The following POTEE variants were observed in gnomAD, a reference collection of about 807,000 sequenced individuals.
The protein encoded by POTEE is ANKRD26-like family C member 1A.
A neutral mutation model predicts 74.2 loss-of-function variants in POTEE; 21 were observed. The ratio of observed to expected loss-of-function variants is 0.28; its 90% CI spans 0.20 to 0.41. The LOEUF (loss-of-function observed/expected upper bound fraction) is 0.41. POTEE is among the 10% of genes least tolerant of loss of function. POTEE has a pLI of 1.00. For synonymous variants in POTEE, 211 were observed against 432.8 expected (o/e 0.49, Z 6.36); for missense variants, 525 against 1,158.6 (o/e 0.45, Z 7.94).
intron 2 of POTEE, among the ~76,000 whole-genome samples, chr2:131,212,332 C>A (rs936731485): frequency 2.0e-5 from 3 of 151,216 alleles, no homozygotes; most frequent in African/African-American, 7.3e-5. Flanking sequence ...ATTTTTCACT[C>A]GTGCAAAAAT....
intron 6 of POTEE, 80 bp from the exon 7 acceptor site, chr2:131,226,743 C>G: frequency 6.2e-7 from 1 of 1,601,154 alleles, no homozygotes; most frequent in Non-Finnish European, 8.5e-7. Context: ...TCCATAAGAT[C>G]TTACATAAAG....
chr2:131,226,669 G>A (rs1426858002), intron 6 of POTEE, among the ~76,000 whole-genome samples, 154 bp from the exon 7 acceptor site: 1 of 151,510 alleles, frequency 6.6e-6, no homozygotes, highest in Non-Finnish European at 1.5e-5. Flanking sequence ...GGAGCAGCGT[G>A]TGGGAAAGCA....
At chr2:131,219,241 A>C (rs1164450031) in intron 4 of POTEE, among the ~76,000 whole-genome samples, 5 of 151,120 alleles carry the variant, frequency 3.3e-5, no homozygotes, top group South Asian at 4.2e-4. Context: ...TGTTCTATAC[A>C]TTATAGAAAA....
intron 6 of POTEE, among the ~76,000 whole-genome samples, chr2:131,225,204 T>C (rs1213605647): frequency 6.6e-6 from 1 of 152,102 alleles, no homozygotes; most frequent in Admixed American, 6.5e-5. Flanking sequence ...TTTCTGAATA[T>C]TTTGATACAG....
Position 131,223,442 on chromosome 2 carries a change from A to C in POTEE, c.522-154A>C, listed in dbSNP as rs529919184. On this transcript the variant is annotated intron_variant, in intron 4 of 17. Coordinates refer to ENST00000683005, the MANE Select transcript of POTEE (RefSeq NM_001083538.3). ...TCATTAATACAGCGAGCAATGAGAG[A>C]TAATAAATAGTGTGCTTTTTTCATG... 1.9e-4 allele frequency among the ~76,000 whole-genome samples: 29 copies of C among 149,516 alleles called. No homozygotes were observed. The East Asian group carries it at 4.5e-3, about 23-fold the overall frequency.
At chr2:131,256,786 C>G (rs1398818616) in intron 16 of POTEE, among the ~76,000 whole-genome samples, 10 of 144,312 alleles carry the variant, frequency 6.9e-5, no homozygotes, top group Non-Finnish European at 1.4e-4. Flanking sequence ...GATTCCTAAT[C>G]CAGAGAAAAT....
Position 131,263,414 on chromosome 2 carries a change from A to G in POTEE, c.1959A>G (p.Glu653=), listed in dbSNP as rs1484877441. The change falls in exon 18 of 18, where the codon GAA becomes GAG. Residue 653 remains glutamate (E), a synonymous_variant. Coordinates refer to ENST00000683005, the MANE Select transcript of POTEE (RefSeq NM_001083538.3). Reference sequence around the variant, plus strand: ...TGCATGAAAATAGTACGTTGCGGGAAGAAATTGCCATGCTAAGACTGGAGC... The same window carrying G: ...TGCATGAAAATAGTACGTTGCGGGAGGAAATTGCCATGCTAAGACTGGAGC... ...DVLHENSTLR[E]EIAMLRLELD... The G allele has an allele frequency of 2.5e-6, 4 of 1,611,804 alleles. No individual in the cohort carries two copies. The African/African-American group carries it at 5.3e-5, about 22-fold the overall frequency.
intron 2 of POTEE, among the ~76,000 whole-genome samples, chr2:131,217,202 T>C (rs1700461892): frequency 7.5e-6 from 1 of 133,416 alleles, no homozygotes; most frequent in African/African-American, 2.9e-5. Flanking sequence ...GTAAGTTCTT[T>C]AGAGGTGATT....
chr2:131,217,933 A>G (rs1700487142), intron 3 of POTEE: 2 of 236,970 alleles, frequency 8.4e-6, no homozygotes, highest in Non-Finnish European at 1.6e-5. Flanking sequence ...TTGCACGCGC[A>G]TGCTGCACGC....
chr2:131,221,215 A>C (rs1700605586), intron 4 of POTEE, among the ~76,000 whole-genome samples: 1 of 152,110 alleles, frequency 6.6e-6, no homozygotes, highest in Admixed American at 6.6e-5. Context: ...CAGTGTATTT[A>C]GAAGAACCCA....
rs1449640710 is a variant in POTEE, at chr2:131,218,518, G to A, written c.116G>A (p.Gly39Asp). The change falls in exon 4 of 18, where the codon GGC becomes GAC. Residue 39 changes from glycine (G) to aspartate (D), a missense_variant. Physicochemically the swap from Gly to Asp is moderately conservative, Grantham distance 94. Coordinates refer to ENST00000683005, the MANE Select transcript of POTEE (RefSeq NM_001083538.3). ...TGCTTCCCCTGCTACAGGGAGAGCG[G>A]CAAGAGCAACGTGGGCACTTCTGGA... ...CRCFPCYRES[G>D]KSNVGTSGDH... The A allele has an allele frequency of 1.9e-6, 3 of 1,613,184 alleles. No individual in the cohort carries two copies. The highest frequency in any genetic ancestry group is 1.7e-6 in the Non-Finnish European group (2 of 1,179,846).
At chr2:131,235,502 A>G (rs1185820683) in intron 9 of POTEE, among the ~76,000 whole-genome samples, 1 of 152,060 alleles carries the variant, frequency 6.6e-6, no homozygotes, top group East Asian at 1.9e-4. Flanking sequence ...TTGTTTTAAA[A>G]GATAAAAATA....
At chr2:131,229,294 C>CT in intron 8 of POTEE, among the ~76,000 whole-genome samples, 1 of 152,068 alleles carries the variant, frequency 6.6e-6, no homozygotes, top group African/African-American at 2.4e-5. Flanking sequence ...TGTTTGTTTC[C>CT]TCTTTGCTAC....
At chr2:131,232,083 C>A (rs1700979609) in intron 9 of POTEE, among the ~76,000 whole-genome samples, 1 of 149,960 alleles carries the variant, frequency 6.7e-6, no homozygotes, top group Non-Finnish European at 1.5e-5. Context: ...TATCAAATGT[C>A]TTTTAGATAG....
At chr2:131,216,785 GA>G (rs1251742948) in intron 2 of POTEE, among the ~76,000 whole-genome samples, 1 of 151,646 alleles carries the variant, frequency 6.6e-6, no homozygotes, top group African/African-American at 2.4e-5. Context: ...CATGATAAAT[GA>G]AAGTAGTAAG....
Position 131,218,585 on chromosome 2 carries a change from G to A in POTEE, c.183G>A (p.Met61Ile). Residue 61 changes from methionine (M) to isoleucine (I), a missense_variant, in exon 4 of 18, where the codon ATG (methionine) becomes ATA (isoleucine). Physicochemically the swap from Met to Ile is conservative, Grantham distance 10 (BLOSUM62 1). Transcript: ENST00000683005. The stretch of plus-strand genomic sequence containing the variant: ...CTATGAAGACACTCAGGAGCAAGAT[G>A]GGCAAGTGGTGCCACCACTGCTTCC... ...DSAMKTLRSKMGKWCHHCFPC... is the reference protein window; with the variant it reads ...DSAMKTLRSKIGKWCHHCFPC... 1 of 1,612,508 alleles carries A rather than the reference G, an allele frequency of 6.2e-7. No individual in the cohort carries two copies. Among genetic ancestry groups the A allele is most frequent in the Non-Finnish European group, 8.5e-7 (1 of 1,179,724 alleles).
At chr2:131,235,799 A>AC (rs1456350005) in intron 9 of POTEE, among the ~76,000 whole-genome samples, 11 of 151,228 alleles carry the variant, frequency 7.3e-5, no homozygotes, top group African/African-American at 2.7e-4. Context: ...GCTCAAAAAA[A>AC]AAAAAAAAAA....
chr2:131,215,177 TTATGTAGCAA>T (rs1309262024), intron 2 of POTEE, among the ~76,000 whole-genome samples: 1 of 152,012 alleles, frequency 6.6e-6, no homozygotes, highest in African/African-American at 2.4e-5. Context: ...TACATAGCAT[TTATGTAGCAA>T]TGCTATCTCA....
intron 9 of POTEE, among the ~76,000 whole-genome samples, chr2:131,235,792 C>CAAAAAA (rs1203876832): frequency 7.6e-5 from 6 of 78,950 alleles, no homozygotes; most frequent in Admixed American, 3.6e-4. Context: ...GACCCTGGCT[C>CAAAAAA]AAAAAAAAAA....
Sources: allele counts gnomAD v4.1 joint callset (sites outside exome capture counted in the v4.1 genomes callset), GRCh38; gene constraint gnomAD v4.1.1; transcripts MANE v1.5; gene names NCBI Gene and HGNC (gene_info 2026-07-23, HGNC 2026-07-21).